The following PIBF1 variants were observed in gnomAD, a reference collection of about 807,000 sequenced individuals.
PIBF1 encodes the protein progesterone-induced-blocking factor 1.
PIBF1 carries 90 observed loss-of-function variants against 112.5 expected under a neutral mutation model. That is an observed-to-expected ratio of 0.80 (90% confidence interval 0.67 to 0.95). The LOEUF is 0.95. Among genes scored for constraint, PIBF1 ranks in the 40% least tolerant of loss-of-function variants. The pLI, the probability that PIBF1 is intolerant of heterozygous loss-of-function variation, is 0.00. For synonymous variants in PIBF1, 301 were observed against 288.6 expected (o/e 1.04, Z -0.44); for missense variants, 915 against 852.3 (o/e 1.07, Z -0.92).
chr13:72,891,065 G>T (rs1181641669), intron 10 of PIBF1, among the ~76,000 whole-genome samples: 1 of 151,992 alleles, frequency 6.6e-6, no homozygotes, highest in Admixed American at 6.6e-5. Flanking sequence ...TTTAACTTCT[G>T]TTAAATTTTC....
rs1352199750 is a variant in PIBF1, at chr13:72,933,570, G to A, written c.1833+2303G>A. Among the ~76,000 whole-genome samples, 4 of 152,246 alleles carry A rather than the reference G, an allele frequency of 2.6e-5. No homozygotes were observed. The South Asian group carries it at 8.3e-4, about 32-fold the overall frequency. On this transcript the variant is annotated intron_variant, in intron 14 of 17. Coordinates refer to ENST00000326291, the MANE Select transcript of PIBF1 (RefSeq NM_006346.4). ...CCAGCTACCTGGGAAGCTGAGGCAC[G>A]AGAATCACTTGAGCCTGGGAGGCGG...
intron 2 of PIBF1, among the ~76,000 whole-genome samples, chr13:72,789,435 C>T (rs1161992115): frequency 6.6e-6 from 1 of 152,102 alleles, no homozygotes; most frequent in Non-Finnish European, 1.5e-5. Context: ...AATCCTCCCA[C>T]CTTGGCCCCC....
At chr13:72,879,971 A>C (rs576514005) in intron 10 of PIBF1, among the ~76,000 whole-genome samples, 198 of 152,342 alleles carry the variant, frequency 1.3e-3, no homozygotes, top group African/African-American at 4.6e-3. Context: ...TTTGGCCCAC[A>C]AAGCCTAAAA....
At chr13:72,993,339 A>AAAATAG (rs1029330027) in intron 16 of PIBF1, among the ~76,000 whole-genome samples, 2 of 152,048 alleles carry the variant, frequency 1.3e-5, no homozygotes, top group African/African-American at 4.8e-5. Context: ...AATAAAAATA[A>AAAATAG]AAATAAAAAT....
intron 17 of PIBF1, among the ~76,000 whole-genome samples, chr13:73,003,934 C>T (rs2043952228): frequency 6.6e-6 from 1 of 152,050 alleles, no homozygotes; most frequent in Non-Finnish European, 1.5e-5. Flanking sequence ...TGGTCTTGAA[C>T]TCCTGGGCTC....
chr13:72,853,835 T>A (rs1168927657), intron 9 of PIBF1, among the ~76,000 whole-genome samples: 1 of 152,136 alleles, frequency 6.6e-6, no homozygotes, highest in South Asian at 2.1e-4. Context: ...CTTTGACCCA[T>A]GCGGAGAAGG....
Position 72,869,565 on chromosome 13 carries a change from G to A in PIBF1, c.1322+15410G>A, listed in dbSNP as rs141844411. On this transcript the variant is annotated intron_variant, in intron 10 of 17. Coordinates refer to ENST00000326291, the MANE Select transcript of PIBF1 (RefSeq NM_006346.4). ...ACACCAGCATGGCACATATATACAT[G>A]TGTAACTAACCTGCACATTGTGCAC... 2.5e-3 allele frequency among the ~76,000 whole-genome samples: 376 copies of A among 151,664 alleles called. 1 individual carries two copies. Among genetic ancestry groups the A allele is most frequent in the Non-Finnish European group, 3.2e-3 (219 of 67,938 alleles).
At chr13:72,905,204 A>T (rs1186169376) in intron 11 of PIBF1, among the ~76,000 whole-genome samples, 1 of 151,936 alleles carries the variant, frequency 6.6e-6, no homozygotes, top group East Asian at 1.9e-4. Context: ...AGTAGCTGGG[A>T]TTACATGCAC....
At chr13:72,822,991 A>C (rs1415047219) in intron 6 of PIBF1, among the ~76,000 whole-genome samples, 2 of 152,182 alleles carry the variant, frequency 1.3e-5, no homozygotes, top group African/African-American at 4.8e-5. Context: ...GCTACTTGGG[A>C]GATTGAGGTG....
intron 3 of PIBF1, among the ~76,000 whole-genome samples, chr13:72,793,603 A>G (rs955447108): frequency 1.3e-5 from 2 of 152,218 alleles, no homozygotes; most frequent in African/African-American, 4.8e-5. Flanking sequence ...TAAGACATAT[A>G]TCAGATTGAA....
At chr13:72,953,658 G>A (rs752353298) in intron 14 of PIBF1, among the ~76,000 whole-genome samples, 1 of 152,148 alleles carries the variant, frequency 6.6e-6, no homozygotes, top group Non-Finnish European at 1.5e-5. Flanking sequence ...ACAGACTCAA[G>A]ACCTCCTGGT....
At chr13:73,012,375 G>A (rs1452871066) in intron 17 of PIBF1, among the ~76,000 whole-genome samples, 1 of 151,778 alleles carries the variant, frequency 6.6e-6, no homozygotes, top group Non-Finnish European at 1.5e-5. Flanking sequence ...AATGACAAAT[G>A]CATTTGATAA....
chr13:72,792,573 A>C (rs765728489), intron 3 of PIBF1, 26 bp downstream of exon 3: 12 of 1,170,830 alleles, frequency 1.0e-5, no homozygotes, highest in Non-Finnish European at 1.5e-5. Flanking sequence ...TTTAAAAAAA[A>C]AACAACATCT....
At chr13:72,857,151 A>G (rs2138342217) in intron 10 of PIBF1, among the ~76,000 whole-genome samples, 1 of 152,360 alleles carries the variant, frequency 6.6e-6, no homozygotes, top group African/African-American at 2.4e-5. Flanking sequence ...GCATTTCTAA[A>G]TAAGAACAAT....
intron 12 of PIBF1, 63 bp downstream of exon 12, chr13:72,908,744 C>G: frequency 6.9e-7 from 1 of 1,445,746 alleles, no homozygotes; most frequent in Non-Finnish European, 9.4e-7. Flanking sequence ...AGACGCCTGA[C>G]CTTATTTCTA....
intron 17 of PIBF1, among the ~76,000 whole-genome samples, chr13:73,001,346 T>G (rs938144231): frequency 2.6e-5 from 4 of 152,190 alleles, no homozygotes; most frequent in African/African-American, 9.6e-5. Flanking sequence ...AGCTAATCAT[T>G]TTATAATCTC....
At chr13:72,958,604 A>G (rs530132733) in intron 14 of PIBF1, among the ~76,000 whole-genome samples, 1 of 152,262 alleles carries the variant, frequency 6.6e-6, no homozygotes, top group South Asian at 2.1e-4. Context: ...CCGTTCCACC[A>G]CAGTCTCATC....
chr13:72,957,374 G>A (rs2042476289), intron 14 of PIBF1, among the ~76,000 whole-genome samples: 1 of 152,152 alleles, frequency 6.6e-6, no homozygotes, highest in Admixed American at 6.6e-5. Context: ...CAACCTGGAT[G>A]GAGTTGGAGA....
Position 72,783,490 on chromosome 13 carries a change from G to C in PIBF1, c.21G>C (p.Lys7Asn). 1 of 1,600,674 alleles carries C rather than the reference G, an allele frequency of 6.2e-7. No homozygotes were observed. The highest frequency in any genetic ancestry group is 8.5e-7 in the Non-Finnish European group (1 of 1,172,548). Residue 7 changes from lysine to asparagine, a missense_variant, in exon 2 of 18, where the codon AAG becomes AAC. Lys to Asn is a moderately conservative substitution (Grantham distance 94, BLOSUM62 0). Transcript: ENST00000326291. Reference sequence around the variant, plus strand: ...TAAAAATGTCTCGAAAAATTTCAAAGGAGTCAAAAAAAGTGAACATCTCTA... The same window carrying C: ...TAAAAATGTCTCGAAAAATTTCAAACGAGTCAAAAAAAGTGAACATCTCTA... MSRKIS[K>N]ESKKVNISSS... is the part of the protein sequence containing the mutation.
Sources: gnomAD v4.1 joint callset for allele counts (sites outside exome capture counted in the v4.1 genomes callset) on GRCh38, gnomAD v4.1.1 for gene constraint, MANE v1.5 for transcripts, NCBI Gene and HGNC (gene_info 2026-07-23, HGNC 2026-07-21) for gene names.